The following GRIA4 variants were observed in gnomAD, a reference collection of about 807,000 sequenced individuals.
GRIA4 encodes glutamate receptor 4.
A neutral mutation model predicts 104.0 loss-of-function variants in GRIA4; 34 were observed. That is an observed-to-expected ratio of 0.33 (90% CI 0.25 to 0.44). The LOEUF is 0.44. GRIA4 is among the 20% of genes least tolerant of loss of function. The pLI is 1.00. For synonymous variants in GRIA4, 386 were observed against 381.9 expected (o/e 1.01, Z -0.13); for missense variants, 750 against 1,096.5 (o/e 0.68, Z 4.46).
intron 14 of GRIA4, among the ~76,000 whole-genome samples, chr11:105,937,117 A>G (rs558187464): frequency 2.0e-4 from 30 of 152,188 alleles, no homozygotes; most frequent in African/African-American, 7.2e-4. Flanking sequence ...CCCCTTGGCA[A>G]TCCGAAACAA....
At chr11:105,694,740 G>C (rs994575) in intron 3 of GRIA4, among the ~76,000 whole-genome samples, 69,018 of 151,788 alleles carry the variant, frequency 0.45, 15,804 homozygotes, top group East Asian at 0.57. Context: ...AGAATGTTTT[G>C]TCATATGTTT....
At position 105,862,065 on chromosome 11, in the gene GRIA4, A is replaced by G; in HGVS notation, c.529A>G (p.Asn177Asp). The G allele has an allele frequency of 6.2e-7, 1 of 1,612,954 alleles. No individual in the cohort carries two copies. Among genetic ancestry groups the G allele is most frequent in the East Asian group, 2.2e-5 (1 of 44,820 alleles). ...LQAIMEKAGQ[N>D]GWHVSAICVE... ...AGCTATTATGGAAAAAGCAGGACAAAATGGTTGGCATGTCAGCGCTATATG... is the reference window on the plus strand; with the variant it reads ...AGCTATTATGGAAAAAGCAGGACAAGATGGTTGGCATGTCAGCGCTATATG... Residue 177 changes from asparagine to aspartate, a missense_variant, in exon 5 of 17, where the codon AAT becomes GAT. By Grantham distance (23) the Asn-to-Asp change is conservative (BLOSUM62 1). Around this residue, in one of 3 missense-constraint regions of GRIA4, gnomAD observed 410 missense variants for 502.7 expected, o/e 0.82. Coordinates refer to ENST00000282499, the MANE Select transcript of GRIA4 (RefSeq NM_000829.4).
rs1487457905 is a variant in GRIA4, at chr11:105,910,480, G to T, written c.1204G>T (p.Val402Leu). Residue 402 changes from valine to leucine, a missense_variant, in exon 10 of 17, where the codon GTA becomes TTA. Val to Leu is a conservative substitution (Grantham distance 32). Around this residue, in one of 3 missense-constraint regions of GRIA4, gnomAD observed 410 missense variants for 502.7 expected, o/e 0.82. Transcript: ENST00000282499. Reference protein sequence around the residue: ...DMDKLVLIQDVPTLGNDTAAI... With the variant: ...DMDKLVLIQDLPTLGNDTAAI... ...GGATAAGTTAGTCTTGATTCAAGAT[G>T]TACCAACTCTTGGCAATGACACAGC... The T allele has an allele frequency of 1.2e-5, 20 of 1,601,648 alleles. No homozygotes were observed. The highest frequency in any genetic ancestry group is 1.6e-5 in the Non-Finnish European group (19 of 1,168,772).
At chr11:105,834,965 T>C (rs1336230287) in intron 4 of GRIA4, among the ~76,000 whole-genome samples, 1 of 152,096 alleles carries the variant, frequency 6.6e-6, no homozygotes, top group Non-Finnish European at 1.5e-5. Context: ...AATCAATATA[T>C]GTATAAGATC....
At chr11:105,971,095 C>CT (rs1411770246) in intron 14 of GRIA4, among the ~76,000 whole-genome samples, 1 of 152,040 alleles carries the variant, frequency 6.6e-6, no homozygotes, top group Non-Finnish European at 1.5e-5. Flanking sequence ...ACCTGTCTGT[C>CT]TTTTTTTGTT....
At chr11:105,625,699 A>T (rs1228314692) in intron 3 of GRIA4, among the ~76,000 whole-genome samples, 2 of 152,062 alleles carry the variant, frequency 1.3e-5, no homozygotes, top group East Asian at 3.9e-4. Context: ...ACTTCCAATT[A>T]TTTAGGCATT....
chr11:105,625,120 G>A (rs1245283014), intron 3 of GRIA4, among the ~76,000 whole-genome samples: 2 of 152,040 alleles, frequency 1.3e-5, no homozygotes, highest in Non-Finnish European at 2.9e-5. Flanking sequence ...TTGGAAGATA[G>A]ACAGAGAGAG....
intron 4 of GRIA4, among the ~76,000 whole-genome samples, chr11:105,770,629 C>T (rs545476566): frequency 1.6e-4 from 24 of 152,010 alleles, no homozygotes; most frequent in East Asian, 1.9e-4. Flanking sequence ...AAGCAAAAAA[C>T]GGGATCACTT....
chr11:105,757,320 TAC>T (rs1192820044), intron 4 of GRIA4, among the ~76,000 whole-genome samples: 2 of 152,100 alleles, frequency 1.3e-5, no homozygotes, highest in African/African-American at 4.8e-5. Flanking sequence ...TGTCCCGCAT[TAC>T]AGAGTAAAGG....
intron 5 of GRIA4, among the ~76,000 whole-genome samples, chr11:105,867,827 A>T (rs942859101): frequency 6.6e-6 from 1 of 152,322 alleles, no homozygotes; most frequent in Middle Eastern, 3.4e-3. Context: ...AACAGCTTTG[A>T]TTATTTGAAT....
At chr11:105,797,882 C>T (rs1240294095) in intron 4 of GRIA4, 2 of 433,146 alleles carry the variant, frequency 4.6e-6, no homozygotes, top group Non-Finnish European at 9.2e-6. Flanking sequence ...TACTTGATTG[C>T]TGATTCAAAT....
chr11:105,776,222 T>A (rs1270904583), intron 4 of GRIA4, among the ~76,000 whole-genome samples: 8 of 152,138 alleles, frequency 5.3e-5, no homozygotes, highest in African/African-American at 1.9e-4. Flanking sequence ...TGTAGTTTCA[T>A]AACAAAATCT....
intron 4 of GRIA4, among the ~76,000 whole-genome samples, chr11:105,857,794 A>G (rs1945063226): frequency 6.6e-6 from 1 of 152,154 alleles, no homozygotes; most frequent in Admixed American, 6.6e-5. Flanking sequence ...GCATATGGAT[A>G]ACTCTTTCTT....
chr11:105,771,873 A>G (rs1163989751), intron 4 of GRIA4, among the ~76,000 whole-genome samples: 1 of 152,020 alleles, frequency 6.6e-6, no homozygotes, highest in Non-Finnish European at 1.5e-5. Flanking sequence ...CTATTTTATC[A>G]TTTACTACAA....
chr11:105,938,163 G>A (rs1016401219), intron 14 of GRIA4, among the ~76,000 whole-genome samples: 1 of 152,194 alleles, frequency 6.6e-6, no homozygotes, highest in Non-Finnish European at 1.5e-5. Context: ...TGGGGCAGGT[G>A]TATTAAACTT....
chr11:105,695,095 G>A (rs1010989766), intron 3 of GRIA4, among the ~76,000 whole-genome samples: 1 of 152,140 alleles, frequency 6.6e-6, no homozygotes, highest in Non-Finnish European at 1.5e-5. Flanking sequence ...CTGCTATGCA[G>A]ACCCCAATGC....
intron 4 of GRIA4, among the ~76,000 whole-genome samples, chr11:105,817,342 A>T (rs1943419173): frequency 6.7e-6 from 1 of 149,226 alleles, no homozygotes; most frequent in African/African-American, 2.5e-5. Flanking sequence ...AGTATGGACC[A>T]TGGCTTATGA....
At chr11:105,741,837 A>G (rs1211481237) in intron 3 of GRIA4, among the ~76,000 whole-genome samples, 1 of 152,194 alleles carries the variant, frequency 6.6e-6, no homozygotes, top group African/African-American at 2.4e-5. Flanking sequence ...AGAACCAAGA[A>G]TGGTGGTTAC....
chr11:105,724,854 T>A (rs1300075533), intron 3 of GRIA4, among the ~76,000 whole-genome samples: 1 of 152,192 alleles, frequency 6.6e-6, no homozygotes, highest in Non-Finnish European at 1.5e-5. Context: ...TCTTCTGGGT[T>A]GACAAATATA....
Sources: allele counts gnomAD v4.1 joint callset (sites outside exome capture counted in the v4.1 genomes callset), GRCh38; gene constraint gnomAD v4.1.1; regional missense constraint gnomAD v4.1.1; transcripts MANE v1.5; gene names NCBI Gene and HGNC (gene_info 2026-07-23, HGNC 2026-07-21).